The following PAX3 variants were observed in gnomAD, a reference collection of about 807,000 sequenced individuals.
PAX3 encodes the protein paired box 3.
PAX3 carries 14 observed loss-of-function variants against 51.6 expected under a neutral mutation model. That is an observed-to-expected ratio of 0.27 (90% CI 0.18 to 0.42). PAX3 has a LOEUF of 0.42. Among genes scored for constraint, PAX3 ranks in the 10% least tolerant of loss-of-function variants. The pLI, the probability that PAX3 is intolerant of heterozygous loss-of-function variation, is 1.00. For missense variants in PAX3, 540 were observed against 642.8 expected (o/e 0.84, Z 1.73); for synonymous variants, 280 against 253.4 (o/e 1.11, Z -1.00).
At chr2:222,253,443 T>C (rs942197291) in intron 4 of PAX3, among the ~76,000 whole-genome samples, 4 of 152,110 alleles carry the variant, frequency 2.6e-5, no homozygotes, top group African/African-American at 9.7e-5. Flanking sequence ...ATCCAAAACT[T>C]CATGCAAACT....
chr2:222,206,670 A>C (rs968997834), intron 7 of PAX3, among the ~76,000 whole-genome samples: 48 of 152,288 alleles, frequency 3.2e-4, no homozygotes, highest in Admixed American at 2.2e-3. Context: ...TAAGTCTTAC[A>C]ATTGCTCCAT....
Position 222,298,786 on chromosome 2 carries a change from G to A in PAX3, c.-171C>T, listed in dbSNP as rs1695450917. ...GGGGGCTGTCGGTTCCTAGTCCAGA[G>A]GCCGGAGCTGGAACCCGGGAAAGGG... On this transcript the variant is annotated 5_prime_UTR_variant, in exon 1 of 9. Coordinates refer to ENST00000392070, the MANE Select transcript of PAX3 (RefSeq NM_181458.4). The A allele has an allele frequency of 4.5e-6, 3 of 661,660 alleles. No individual in the cohort carries two copies. The South Asian group carries it at 5.3e-5, about 12-fold the overall frequency. The allele number at this position is 661,660 out of a possible 1,614,324, so 41.0% of individuals were successfully genotyped here.
chr2:222,277,458 G>A (rs926190869), intron 4 of PAX3, among the ~76,000 whole-genome samples: 6 of 152,178 alleles, frequency 3.9e-5, no homozygotes, highest in African/African-American at 1.2e-4. Flanking sequence ...TTTTCTAGAC[G>A]CTCATACTCC....
At chr2:222,243,927 T>A (rs1693113492) in intron 4 of PAX3, among the ~76,000 whole-genome samples, 1 of 152,146 alleles carries the variant, frequency 6.6e-6, no homozygotes, top group South Asian at 2.1e-4. Flanking sequence ...AACATCAAGG[T>A]CATCATCAGA....
intron 4 of PAX3, among the ~76,000 whole-genome samples, chr2:222,250,592 G>A (rs192632544): frequency 1.4e-4 from 21 of 152,268 alleles, no homozygotes; most frequent in Admixed American, 1.3e-3. Flanking sequence ...GGAAGAATTG[G>A]GGCAATTAGA....
intron 4 of PAX3, among the ~76,000 whole-genome samples, chr2:222,258,880 G>A (rs1693743268): frequency 6.6e-6 from 1 of 152,168 alleles, no homozygotes; most frequent in Non-Finnish European, 1.5e-5. Context: ...TGGTGATGCT[G>A]AGATTTCTTT....
chr2:222,260,616 A>C (rs1693827924), intron 4 of PAX3, among the ~76,000 whole-genome samples: 1 of 96,258 alleles, frequency 1.0e-5, no homozygotes, highest in Non-Finnish European at 1.9e-5. Context: ...TTTTGAGGCA[A>C]AGTCTCTCTC....
intron 1 of PAX3, chr2:222,298,249 CCTT>C (rs1559321841): frequency 2.0e-6 from 1 of 496,156 alleles, no homozygotes; most frequent in Non-Finnish European, 3.6e-6. Flanking sequence ...CGGTTCACCT[CCTT>C]CTCCACCGCG....
At chr2:222,297,653 T>TA (rs1452015697) in intron 1 of PAX3, among the ~76,000 whole-genome samples, 2 of 152,190 alleles carry the variant, frequency 1.3e-5, no homozygotes, top group African/African-American at 4.8e-5. Flanking sequence ...TTGGGCCAGC[T>TA]GATAGCCCTT....
intron 7 of PAX3, among the ~76,000 whole-genome samples, chr2:222,216,985 T>C (rs1477238519): frequency 6.6e-6 from 1 of 152,116 alleles, no homozygotes; most frequent in African/African-American, 2.4e-5. Flanking sequence ...CTATAACCAA[T>C]TCGGTGTAAA....
intron 7 of PAX3, among the ~76,000 whole-genome samples, chr2:222,203,931 C>G (rs534353303): frequency 6.6e-4 from 101 of 152,216 alleles, no homozygotes; most frequent in African/African-American, 2.3e-3. Context: ...ATTTTGTTGT[C>G]TCTCTTTCAT....
chr2:222,278,979 C>T (rs1345710561), intron 4 of PAX3, among the ~76,000 whole-genome samples: 2 of 152,142 alleles, frequency 1.3e-5, no homozygotes, highest in Non-Finnish European at 2.9e-5. Context: ...GAGATGGAGT[C>T]TCACTCTGTT....
At chr2:222,223,446 C>T (rs1692273327) in intron 5 of PAX3, among the ~76,000 whole-genome samples, 2 of 152,178 alleles carry the variant, frequency 1.3e-5, no homozygotes, top group Admixed American at 1.3e-4. Flanking sequence ...TTTCTCACTG[C>T]CCCGGTCTGA....
chr2:222,294,682 C>A (rs187107693), intron 3 of PAX3, among the ~76,000 whole-genome samples: 59 of 151,430 alleles, frequency 3.9e-4, no homozygotes, highest in African/African-American at 1.4e-3. Context: ...ACCGGGTACC[C>A]TCCTTCCTCC....
intron 4 of PAX3, among the ~76,000 whole-genome samples, chr2:222,285,234 C>T (rs998380233): frequency 2.7e-4 from 41 of 152,166 alleles, no homozygotes; most frequent in Admixed American, 2.3e-3. Context: ...TCTTAATCAT[C>T]ACATTACATT....
At chr2:222,294,327 A>G (rs755695801) in intron 3 of PAX3, 26 bp from the exon 4 acceptor site, 1 of 1,613,748 alleles carries the variant, frequency 6.2e-7, no homozygotes, top group South Asian at 1.1e-5. Flanking sequence ...GGAAGGAAGC[A>G]AGGGAGCGCA....
chr2:222,231,817 C>G (rs1456796035), intron 5 of PAX3, among the ~76,000 whole-genome samples: 1 of 152,170 alleles, frequency 6.6e-6, no homozygotes, highest in Non-Finnish European at 1.5e-5. Flanking sequence ...TGTATCACCC[C>G]CAAAGTCCAT....
chr2:222,201,588 A>G, intron 8 of PAX3, 146 bp from the exon 9 acceptor site: 1 of 1,337,612 alleles, frequency 7.5e-7, no homozygotes, highest in South Asian at 1.2e-5. Flanking sequence ...GACAAGTTTG[A>G]CACAACTTTG....
intron 4 of PAX3, among the ~76,000 whole-genome samples, chr2:222,244,529 C>A (rs1470429411): frequency 6.6e-6 from 1 of 152,088 alleles, no homozygotes; most frequent in African/African-American, 2.4e-5. Flanking sequence ...ACCTATTCCC[C>A]TTCTTGTTAA....
Sources: gnomAD v4.1 joint callset for allele counts (sites outside exome capture counted in the v4.1 genomes callset) on GRCh38, gnomAD v4.1.1 for gene constraint, MANE v1.5 for transcripts, NCBI Gene and HGNC (gene_info 2026-07-23, HGNC 2026-07-21) for gene names.